Variants in COL6A6 observed in about 807,000 individuals in gnomAD.
COL6A6 encodes the protein collagen alpha-6(VI) chain.
In COL6A6, 183 loss-of-function variants were observed where a neutral mutation model predicts 208.6. The observed-to-expected ratio is 0.88, with a 90% confidence interval of 0.78 to 0.99. The LOEUF (loss-of-function observed/expected upper bound fraction) is 0.99, where lower values mean the gene tolerates loss of function less well. COL6A6 is among the 50% of genes least tolerant of loss of function. The pLI is 0.00. For missense variants in COL6A6, 2,816 were observed against 2,815.2 expected (o/e 1.00, Z -0.01); for synonymous variants, 973 against 1,011.8 (o/e 0.96, Z 0.73).
Position 130,581,888 on chromosome 3 carries a change from C to G in COL6A6, c.3875C>G (p.Ser1292Ter). Residue 1292 changes from serine (S) to a stop codon, truncating the protein, a stop_gained, in exon 9 of 37, where the codon TCA (serine) becomes TGA (stop). Transcript: ENST00000358511. LOFTEE classifies it high-confidence loss of function. ...CTATGGGATACATTTCAGAATAAAT[C>G]AGCTGCTCGAGGAAAGGTAACATGG... Reference protein sequence around the residue: ...DSLWDTFQNKSAARGKVVLLF... With the variant: ...DSLWDTFQNK 3 of 1,606,252 alleles carry G rather than the reference C, an allele frequency of 1.9e-6. No individual in the cohort carries two copies. Among genetic ancestry groups the G allele is most frequent in the Non-Finnish European group, 2.6e-6 (3 of 1,175,226 alleles).
intron 24 of COL6A6, among the ~76,000 whole-genome samples, chr3:130,626,011 C>G (rs1165319867): frequency 6.6e-6 from 1 of 152,040 alleles, no homozygotes; most frequent in Non-Finnish European, 1.5e-5. Context: ...CTGAACTTTC[C>G]TCAACATAAT....
chr3:130,652,055 G>A (rs989621591), intron 33 of COL6A6, among the ~76,000 whole-genome samples: 1 of 152,164 alleles, frequency 6.6e-6, no homozygotes, highest in African/African-American at 2.4e-5. Flanking sequence ...AAGCAGCATT[G>A]GCCCCCAACA....
rs376194787 is a variant in COL6A6 at position 130,582,066 on chromosome 3, A to AAGGTACTG, written c.3970+1_3970+8dup. ...CAAAAATCTGATGAACTTAGAAAAG[A>AAGGTACTG]AGGTACTGAGTATGGAGAAGTGGGA... On this transcript the variant is annotated frameshift_variant and splice_region_variant, in exon 10 of 37. Coordinates refer to ENST00000358511, the MANE Select transcript of COL6A6 (RefSeq NM_001102608.3). LOFTEE classifies it high-confidence loss of function. The AAGGTACTG allele has an allele frequency of 3.8e-6, 6 of 1,575,732 alleles. No homozygotes were observed. In the African/African-American group the frequency reaches 8.1e-5, roughly 21 times the overall value.
At chr3:130,603,340 A>G (rs1029461729) in intron 20 of COL6A6, among the ~76,000 whole-genome samples, 3 of 152,198 alleles carry the variant, frequency 2.0e-5, no homozygotes, top group African/African-American at 7.2e-5. Context: ...AGATATTGCT[A>G]AGTGTTTTCT....
chr3:130,599,663 C>T (rs2063952001), intron 19 of COL6A6, 94 bp from the exon 20 acceptor site: 1 of 1,253,750 alleles, frequency 8.0e-7, no homozygotes, highest in Non-Finnish European at 1.2e-6. Context: ...GTGTGTGAAC[C>T]TATCTATCCT....
chr3:130,598,333 T>C, intron 18 of COL6A6, 32 bp from the exon 19 acceptor site: 1 of 1,398,596 alleles, frequency 7.2e-7, no homozygotes, highest in Non-Finnish European at 9.9e-7. Flanking sequence ...TGTCCAAATA[T>C]ATTAATTTTT....
chr3:130,557,537 C>T (rs531993512), intron 1 of COL6A6, among the ~76,000 whole-genome samples: 99 of 152,282 alleles, frequency 6.5e-4, no homozygotes, highest in African/African-American at 2.4e-3. Context: ...TTATCTTTAA[C>T]ACTGTGGCAG....
At chr3:130,562,399 A>G (rs1307718770) in intron 2 of COL6A6, among the ~76,000 whole-genome samples, 1 of 152,254 alleles carries the variant, frequency 6.6e-6, no homozygotes, top group African/African-American at 2.4e-5. Context: ...TGAGAATAAA[A>G]TTCACCAATT....
chr3:130,555,884 A>G (rs1473750269), intron 1 of COL6A6, among the ~76,000 whole-genome samples: 1 of 152,088 alleles, frequency 6.6e-6, no homozygotes, highest in Non-Finnish European at 1.5e-5. Flanking sequence ...TGGTGTATTA[A>G]CTTTTTTGTT....
intron 18 of COL6A6, among the ~76,000 whole-genome samples, chr3:130,596,964 A>G (rs946023933): frequency 2.0e-5 from 3 of 152,220 alleles, no homozygotes; most frequent in African/African-American, 7.2e-5. Flanking sequence ...ACCCAGTTGT[A>G]TACGTATAGA....
chr3:130,527,095 C>CTCT (rs747462645), intron 1 of COL6A6, among the ~76,000 whole-genome samples: 153 of 152,288 alleles, frequency 1.0e-3, no homozygotes, highest in Non-Finnish European at 1.8e-3. Context: ...GAACCTCATA[C>CTCT]TCTTTTATTG....
intron 18 of COL6A6, among the ~76,000 whole-genome samples, chr3:130,594,889 A>G (rs141389807): frequency 1.1e-3 from 160 of 152,308 alleles, no homozygotes; most frequent in African/African-American, 3.5e-3. Flanking sequence ...TTATAAAACC[A>G]TCAGATCCCA....
chr3:130,610,583 A>G (rs2064325460), intron 22 of COL6A6, 66 bp from the exon 23 acceptor site: 1 of 1,148,106 alleles, frequency 8.7e-7, no homozygotes, highest in Middle Eastern at 1.9e-4. Flanking sequence ...TCTACTTGTA[A>G]TATTCAATTT....
In COL6A6 at chr3:130,563,286, A is replaced by G; in HGVS notation, c.283A>G (p.Arg95Gly). The G allele has an allele frequency of 6.2e-7, 1 of 1,614,038 alleles. No homozygotes were observed. The highest frequency in any genetic ancestry group is 2.2e-5 in the East Asian group (1 of 44,890). The change falls in exon 3 of 37, where the codon AGG (arginine) becomes GGG (glycine). Residue 95 changes from arginine (R) to glycine (G), a missense_variant. Transcript: ENST00000358511. Reference sequence around the variant, plus strand: ...CAGGAGCCCCATGCTGAACCACCTAAGGAAGAACTTTGGATTCATTGGCGG... The same window carrying G: ...CAGGAGCCCCATGCTGAACCACCTAGGGAAGAACTTTGGATTCATTGGCGG... ...KGRSPMLNHL[R>G]KNFGFIGGSL... is the part of the protein sequence containing the mutation.
At chr3:130,546,754 A>C (rs1208610270) in intron 1 of COL6A6, among the ~76,000 whole-genome samples, 12 of 150,440 alleles carry the variant, frequency 8.0e-5, no homozygotes, top group Admixed American at 5.3e-4. Flanking sequence ...TGAGCTAGAC[A>C]CAGGATGCTG....
chr3:130,614,793 G>T (rs2108235701), intron 23 of COL6A6, among the ~76,000 whole-genome samples: 1 of 152,210 alleles, frequency 6.6e-6, no homozygotes, highest in Middle Eastern at 3.4e-3. Flanking sequence ...TAGTTTGTGT[G>T]CATAGAGGTG....
intron 1 of COL6A6, among the ~76,000 whole-genome samples, chr3:130,548,696 C>A (rs1471590556): frequency 1.3e-5 from 2 of 152,356 alleles, no homozygotes; most frequent in South Asian, 2.1e-4. Flanking sequence ...GGTAAACTCA[C>A]AAAAGTGGGT....
Position 130,582,033 on chromosome 3 carries a change from A to C in COL6A6, c.3935A>C (p.Lys1312Thr). The C allele has an allele frequency of 3.7e-6, 6 of 1,608,554 alleles. No individual in the cohort carries two copies. Among genetic ancestry groups the C allele is most frequent in the Non-Finnish European group, 5.1e-6 (6 of 1,176,428 alleles). Residue 1312 changes from lysine to threonine, a missense_variant, in exon 10 of 37, where the codon AAA becomes ACA. Coordinates refer to ENST00000358511, the MANE Select transcript of COL6A6 (RefSeq NM_001102608.3). ...GATGGATTGGATGATGATGTTGAGA[A>C]ACTTGAACAAAAATCTGATGAACTT... ...FSDGLDDDVE[K>T]LEQKSDELRK...
chr3:130,598,701 C>CT (rs1444274574), intron 19 of COL6A6, among the ~76,000 whole-genome samples: 2 of 152,136 alleles, frequency 1.3e-5, no homozygotes, highest in African/African-American at 4.8e-5. Flanking sequence ...CATTGGAACT[C>CT]TAACTTAAAA....
Sources: allele counts gnomAD v4.1 joint callset (sites outside exome capture counted in the v4.1 genomes callset), GRCh38; gene constraint gnomAD v4.1.1; transcripts MANE v1.5; gene names NCBI Gene and HGNC (gene_info 2026-07-23, HGNC 2026-07-21).